Variants in BNC2 observed in about 807,000 individuals in gnomAD.
BNC2 encodes the protein zinc finger protein basonuclin-2.
In BNC2, 20 loss-of-function variants were observed where a neutral mutation model predicts 76.3. That is an observed-to-expected ratio of 0.26 (90% CI 0.18 to 0.38). The LOEUF is 0.38. BNC2 is among the 10% of genes least tolerant of loss of function. BNC2 has a pLI of 1.00. For synonymous variants in BNC2, 582 were observed against 514.8 expected, an observed-to-expected ratio of 1.13 and a Z score of -1.77; for missense variants, 1,382 against 1,399.8, an observed-to-expected ratio of 0.99 and a Z score of 0.20.
At chr9:16,456,600 C>G (rs1478086262) in intron 5 of BNC2, among the ~76,000 whole-genome samples, 2 of 151,946 alleles carry the variant, frequency 1.3e-5, no homozygotes, top group Non-Finnish European at 2.9e-5. Flanking sequence ...TGGTGGCCAG[C>G]AGCCACTCCT....
intron 1 of BNC2, among the ~76,000 whole-genome samples, chr9:16,764,450 C>G (rs551933311): frequency 1.3e-5 from 2 of 152,196 alleles, no homozygotes; most frequent in African/African-American, 4.8e-5. Context: ...GTAAGTAACC[C>G]AACCTAAAAA....
intron 3 of BNC2, chr9:16,685,502 C>T: frequency 8.1e-7 from 1 of 1,229,822 alleles, no homozygotes; most frequent in Non-Finnish European, 1.1e-6. Context: ...ACCACTGTTT[C>T]TGTCACACCA....
At chr9:16,438,860 G>T (rs1219563638) in intron 5 of BNC2, among the ~76,000 whole-genome samples, 1 of 151,990 alleles carries the variant, frequency 6.6e-6, no homozygotes, top group Admixed American at 6.6e-5. Flanking sequence ...ACTAAGAAGG[G>T]CACGACATCA....
intron 3 of BNC2, among the ~76,000 whole-genome samples, chr9:16,689,635 A>G (rs536215788): frequency 2.1e-4 from 32 of 151,992 alleles, no homozygotes; most frequent in Admixed American, 1.6e-3. Context: ...AATGATATAC[A>G]ATGTAAGTTT....
At chr9:16,441,796 G>A (rs1365828621) in intron 5 of BNC2, among the ~76,000 whole-genome samples, 2 of 151,934 alleles carry the variant, frequency 1.3e-5, no homozygotes, top group South Asian at 2.1e-4. Context: ...CTTAAGTATT[G>A]GAAAAACTAG....
rs78774292 is a variant in BNC2, at chr9:16,500,918, T to A, written c.669+51612A>T. Among the ~76,000 whole-genome samples, 864 of 152,324 alleles carry A rather than the reference T, an allele frequency of 5.7e-3. 7 individuals are homozygous for A. Among genetic ancestry groups the A allele is most frequent in the Middle Eastern group, 0.02 (6 of 294 alleles). ...AACCATCAGTATTTGAACCAATCTG[T>A]ATAAGACAGTGGTGTGTCTTCTAGT... On this transcript the variant is annotated intron_variant, in intron 5 of 6. Coordinates refer to ENST00000380672, the MANE Select transcript of BNC2 (RefSeq NM_017637.6).
intron 5 of BNC2, among the ~76,000 whole-genome samples, chr9:16,498,276 CAT>C (rs202156398): frequency 1.2e-4 from 13 of 108,768 alleles, no homozygotes; most frequent in Non-Finnish European, 1.9e-4. Flanking sequence ...TATATTCCAT[CAT>C]ATATATATAT....
chr9:16,566,277 G>A (rs1354157263), intron 4 of BNC2, among the ~76,000 whole-genome samples: 3 of 152,104 alleles, frequency 2.0e-5, no homozygotes, highest in Admixed American at 6.6e-5. Context: ...TTGGATGGAT[G>A]AACACAGTTA....
At chr9:16,758,373 T>C (rs1045036442) in intron 1 of BNC2, among the ~76,000 whole-genome samples, 2 of 151,710 alleles carry the variant, frequency 1.3e-5, no homozygotes, top group Admixed American at 1.3e-4. Flanking sequence ...GGAGTTTCAC[T>C]CTGTCGCCCA....
At chr9:16,811,781 G>C (rs1818062412) in intron 1 of BNC2, among the ~76,000 whole-genome samples, 1 of 152,136 alleles carries the variant, frequency 6.6e-6, no homozygotes. Context: ...GAAAAGAAGA[G>C]CCCCTAGTGA....
intron 4 of BNC2, among the ~76,000 whole-genome samples, chr9:16,567,566 A>G (rs1020070495): frequency 4.6e-5 from 7 of 152,176 alleles, no homozygotes; most frequent in African/African-American, 1.7e-4. Flanking sequence ...TTCACTTCCA[A>G]TATTTTCTGT....
At chr9:16,859,397 T>C (rs991617258) in intron 1 of BNC2, among the ~76,000 whole-genome samples, 3 of 152,214 alleles carry the variant, frequency 2.0e-5, no homozygotes, top group Non-Finnish European at 2.9e-5. Context: ...TGCATACTTA[T>C]ATTCACAACA....
intron 3 of BNC2, among the ~76,000 whole-genome samples, chr9:16,674,503 T>G (rs1469708046): frequency 1.3e-5 from 2 of 152,202 alleles, no homozygotes; most frequent in Admixed American, 1.3e-4. Context: ...CTCGCATGGA[T>G]AGTCTCAGTG....
intron 6 of BNC2, chr9:16,421,308 C>G: frequency 7.8e-7 from 1 of 1,289,848 alleles, no homozygotes; most frequent in Non-Finnish European, 1.0e-6. Flanking sequence ...AAATCGATCA[C>G]AAAAGAAAGC....
intron 5 of BNC2, among the ~76,000 whole-genome samples, chr9:16,493,962 AG>A (rs949797135): frequency 6.6e-6 from 1 of 152,164 alleles, no homozygotes; most frequent in African/African-American, 2.4e-5. Context: ...AGAGGCAGGC[AG>A]GGGCCAAGTT....
chr9:16,573,927 T>C (rs1819408034), intron 4 of BNC2, among the ~76,000 whole-genome samples: 1 of 152,152 alleles, frequency 6.6e-6, no homozygotes, highest in South Asian at 2.1e-4. Flanking sequence ...CAGAATACAA[T>C]TCAGAGTTAT....
At chr9:16,658,244 C>T (rs910505847) in intron 3 of BNC2, among the ~76,000 whole-genome samples, 2 of 150,342 alleles carry the variant, frequency 1.3e-5, no homozygotes, top group African/African-American at 2.4e-5. Context: ...CATATGTGTG[C>T]CATTAAGTGT....
chr9:16,729,313 C>T (rs1407368333), intron 2 of BNC2, among the ~76,000 whole-genome samples: 1 of 152,218 alleles, frequency 6.6e-6, no homozygotes, highest in East Asian at 1.9e-4. Flanking sequence ...GAACATTAAT[C>T]TTCAACCACC....
chr9:16,611,550 T>C (rs990907947), intron 3 of BNC2, among the ~76,000 whole-genome samples: 2 of 152,090 alleles, frequency 1.3e-5, no homozygotes, highest in Admixed American at 6.6e-5. Flanking sequence ...GTGAGGCTAA[T>C]AGCACAATCA....
Sources: allele counts gnomAD v4.1 joint callset (sites outside exome capture counted in the v4.1 genomes callset), GRCh38; gene constraint gnomAD v4.1.1; transcripts MANE v1.5; gene names NCBI Gene and HGNC (gene_info 2026-07-23, HGNC 2026-07-21).